The following FANCE variants were observed in gnomAD, a reference collection of about 807,000 sequenced individuals.
FANCE encodes the protein FA complementation group E.
FANCE carries 42 observed loss-of-function variants against 57.8 expected under a neutral mutation model. That is an observed-to-expected ratio of 0.73 (90% CI 0.57 to 0.94). The LOEUF (loss-of-function observed/expected upper bound fraction) is 0.94. Among genes scored for constraint, FANCE ranks in the 40% least tolerant of loss-of-function variants. The pLI is 0.00. For missense variants in FANCE, 608 were observed against 661.8 expected (o/e 0.92, Z 0.89); for synonymous variants, 251 against 286.4 (o/e 0.88, Z 1.25).
Position 35,459,377 on chromosome 6 carries a change from T to C in FANCE, c.1160T>C (p.Leu387Pro). 2 of 1,614,200 alleles carry C rather than the reference T, an allele frequency of 1.2e-6. No individual in the cohort carries two copies. The highest frequency in any genetic ancestry group is 2.2e-5 in the South Asian group (2 of 91,086). The change falls in exon 6 of 10, where the codon CTG (leucine) becomes CCG (proline). Residue 387 changes from leucine (L) to proline (P), a missense_variant. Transcript: ENST00000229769. ...SSASRLLTTA[L>P]TSFCAKYTYP... Reference sequence around the variant, plus strand: ...GCCTCCCGCCTGCTTACAACTGCCCTGACCTCCTTCTGTGCCAAATATACA... The same window carrying C: ...GCCTCCCGCCTGCTTACAACTGCCCCGACCTCCTTCTGTGCCAAATATACA...
chr6:35,461,624 T>G (rs1021103892), intron 8 of FANCE, among the ~76,000 whole-genome samples: 1 of 152,128 alleles, frequency 6.6e-6, no homozygotes, highest in Non-Finnish European at 1.5e-5. Context: ...CTCATTTGTT[T>G]ATATCTTAGA....
rs765538271 is a variant in FANCE at position 35,456,022 on chromosome 6, G to A, written c.524G>A (p.Gly175Asp). 1.0e-4 allele frequency: 167 copies of A among 1,612,702 alleles called. 1 individual carries two copies. The highest frequency in any genetic ancestry group is 1.4e-4 in the Non-Finnish European group (162 of 1,179,598). The change falls in exon 2 of 10, where the codon GGC (glycine) becomes GAC (aspartate). Residue 175 changes from glycine to aspartate, a missense_variant. Coordinates refer to ENST00000229769, the MANE Select transcript of FANCE (RefSeq NM_021922.3). The surrounding 1 kb of genome is among the most constrained non-coding windows in gnomAD (Gnocchi z 4.3). The part of the protein sequence containing the change: ...QSLCRGLGLG[G>D]RRLKSPQAPD... Reference sequence around the variant, plus strand: ...CTATGTAGGGGGCTGGGCCTGGGGGGCAGGAGGTTGAAATCCCCCCAGGCT... The same window carrying A: ...CTATGTAGGGGGCTGGGCCTGGGGGACAGGAGGTTGAAATCCCCCCAGGCT...
At chr6:35,458,543 A>C (rs934011285) in intron 5 of FANCE, 103 bp downstream of exon 5, 1 of 1,449,680 alleles carries the variant, frequency 6.9e-7, no homozygotes, top group Non-Finnish European at 9.6e-7. Flanking sequence ...AGCCTTGTAG[A>C]CATCTGGGCT....
rs753318121 is a variant in FANCE at position 35,457,567 on chromosome 6, C to T, written c.867C>T (p.Pro289=). Reference sequence around the variant, plus strand: ...GCTCTCCTCCACAGGACCAGCTTCCCAGGCTGCAGCAGCTGCTGAAGACCT... The same window carrying T: ...GCTCTCCTCCACAGGACCAGCTTCCTAGGCTGCAGCAGCTGCTGAAGACCT... ...ELPKAIQDQL[P]RLQQLLKTLE... is the part of the protein sequence containing the mutation. Residue 289 remains proline (P), a synonymous_variant, in exon 3 of 10, where the codon CCC becomes CCT. Transcript: ENST00000229769. 1 of 1,613,890 alleles carries T rather than the reference C, an allele frequency of 6.2e-7. No individual in the cohort carries two copies. The highest frequency in any genetic ancestry group is 8.5e-7 in the Non-Finnish European group (1 of 1,180,018).
Position 35,456,479 on chromosome 6 carries a change from A to G in FANCE, c.855+126A>G. 1 of 1,289,806 alleles carries G rather than the reference A, an allele frequency of 7.8e-7. No individual in the cohort carries two copies. The highest frequency in any genetic ancestry group is 1.1e-6 in the Non-Finnish European group (1 of 891,460). 79.9% of individuals were successfully genotyped at this position (1,289,806 alleles called of 1,614,324 possible). ...TGTAGTTCCTGGAGGAAGAAGGAGG[A>G]AGGTAGGGTTGAGGGAATGTAGCCT... On this transcript the variant is annotated intron_variant, in intron 2 of 9. Transcript: ENST00000229769. The surrounding 1 kb of genome is among the most constrained non-coding windows in gnomAD (Gnocchi z 4.3).
chr6:35,464,045 CAGTG>C (rs1044479544), intron 9 of FANCE, among the ~76,000 whole-genome samples: 11 of 151,936 alleles, frequency 7.2e-5, no homozygotes, highest in African/African-American at 2.7e-4. Context: ...ACAGTGTGAG[CAGTG>C]AGTGTCTGAG....
intron 8 of FANCE, among the ~76,000 whole-genome samples, chr6:35,460,922 ATTT>A (rs67491477): frequency 6.8e-6 from 1 of 146,580 alleles, no homozygotes. Context: ...ATGTTCACAA[ATTT>A]TTTTTTTTTT....
rs1447085696 is a variant in FANCE, at chr6:35,456,396, G to T, written c.855+43G>T. 6.2e-7 allele frequency: 1 copy of T among 1,613,872 alleles called. No individual in the cohort carries two copies. Among genetic ancestry groups the T allele is most frequent in the African/African-American group, 1.3e-5 (1 of 74,900 alleles). On this transcript the variant is annotated intron_variant, in intron 2 of 9. Coordinates refer to ENST00000229769, the MANE Select transcript of FANCE (RefSeq NM_021922.3). The surrounding 1 kb of genome is among the most constrained non-coding windows in gnomAD (Gnocchi z 4.3). ...CTGGGTTTAGAGTGATCTTTCAGCA[G>T]TGGTGGCTTTATCCATGGGGAAGGC...
rs1767347314 is a variant in FANCE, at chr6:35,456,433, CT to C, written c.855+85del. On this transcript the variant is annotated intron_variant, in intron 2 of 9. Transcript: ENST00000229769. The surrounding 1 kb of genome is among the most constrained non-coding windows in gnomAD (Gnocchi z 4.3). ...TCCATGGGGAAGGCTGCTTGGGACACTTTTTCCCAATGGAGTTGACTGTAGT... is the reference window on the plus strand; with the variant it reads ...TCCATGGGGAAGGCTGCTTGGGACACTTTTCCCAATGGAGTTGACTGTAGT... 6.3e-7 allele frequency: 1 copy of C among 1,582,850 alleles called. No individual in the cohort carries two copies.
In FANCE at chr6:35,459,706, G is replaced by A. The variant is rs936988373; in HGVS notation, c.1262G>A (p.Cys421Tyr). The A allele has an allele frequency of 6.2e-7, 1 of 1,614,188 alleles. No individual in the cohort carries two copies. The highest frequency in any genetic ancestry group is 1.7e-5 in the Admixed American group (1 of 60,026). The change falls in exon 7 of 10, where the codon TGT becomes TAT. Residue 421 changes from cysteine (C) to tyrosine (Y), a missense_variant. Transcript: ENST00000229769. Reference sequence around the variant, plus strand: ...GGTCCTGCTCAAACAGAGTTACTGTGTTGCCTTGTGAAGATGGAGTCCCTG... The same window carrying A: ...GGTCCTGCTCAAACAGAGTTACTGTATTGCCTTGTGAAGATGGAGTCCCTG... ...GTGPAQTELL[C>Y]CLVKMESLEP...
intron 9 of FANCE, among the ~76,000 whole-genome samples, chr6:35,464,483 C>T (rs1348408139): frequency 2.6e-5 from 4 of 151,302 alleles, no homozygotes; most frequent in East Asian, 4.0e-4. Flanking sequence ...GTGATCTGTC[C>T]GCCTTGGCCT....
Position 35,458,294 on chromosome 6 carries a change from C to T in FANCE, c.970-3C>T. On this transcript the variant is annotated splice_polypyrimidine_tract_variant and splice_region_variant and intron_variant, in intron 4 of 9. Transcript: ENST00000229769. ...CCTCTCTCCCCCCGCACTCTGTAAG[C>T]AGATGGACTTGCTGTGTGCCCAGCT... The T allele has an allele frequency of 6.2e-7, 1 of 1,613,726 alleles. No individual in the cohort carries two copies. The highest frequency in any genetic ancestry group is 1.3e-5 in the African/African-American group (1 of 75,034).
Position 35,452,374 on chromosome 6 carries a change from T to A in FANCE, c.-172T>A, listed in dbSNP as rs911453557. ...CGACAGCGCGGGAACGGCTGCGGCT[T>A]CGGGCGGCCGGGTTTCTCCGGTCTC... On this transcript the variant is annotated 5_prime_UTR_variant, in exon 1 of 10. Coordinates refer to ENST00000229769, the MANE Select transcript of FANCE (RefSeq NM_021922.3). 1 of 664,636 alleles carries A rather than the reference T, an allele frequency of 1.5e-6. No homozygotes were observed. The highest frequency in any genetic ancestry group is 1.9e-5 in the African/African-American group (1 of 52,808). 41.2% of individuals were successfully genotyped at this position (664,636 alleles called of 1,614,324 possible). A position where few individuals can be genotyped will look rare whatever the true frequency, so the allele number is the denominator to read the frequency against.
In FANCE at chr6:35,460,591, G is replaced by C. The variant is rs1488514330; in HGVS notation, c.1356G>C (p.Leu452Phe). 1.2e-6 allele frequency: 2 copies of C among 1,613,978 alleles called. No homozygotes were observed. The highest frequency in any genetic ancestry group is 2.2e-5 in the East Asian group (1 of 44,890). Residue 452 changes from leucine to phenylalanine, a missense_variant, in exon 8 of 10, where the codon TTG becomes TTC. Transcript: ENST00000229769. ...TGCCCTGGAAGGAGGAAACTTTCTTGGTGTTGCAGTCACTCCTAGAGCGGC... is the reference window on the plus strand; with the variant it reads ...TGCCCTGGAAGGAGGAAACTTTCTTCGTGTTGCAGTCACTCCTAGAGCGGC... ...LELPWKEETFLVLQSLLERQV... is the reference protein window; with the variant it reads ...LELPWKEETFFVLQSLLERQV...
Position 35,456,349 on chromosome 6 carries a change from T to C in FANCE, c.851T>C (p.Ile284Thr), listed in dbSNP as rs370661452. Residue 284 changes from isoleucine to threonine, a missense_variant, in exon 2 of 10, where the codon ATC (isoleucine) becomes ACC (threonine). Physicochemically the swap from Ile to Thr is moderately conservative, Grantham distance 89 (BLOSUM62 -1). Transcript: ENST00000229769. The surrounding 1 kb of genome is among the most constrained non-coding windows in gnomAD (Gnocchi z 4.3). ...GAGAGTTTGGAGTTGCCCAAAGCTATCCAGGTACTTTGGTAGGGAGACTGG... is the reference window on the plus strand; with the variant it reads ...GAGAGTTTGGAGTTGCCCAAAGCTACCCAGGTACTTTGGTAGGGAGACTGG... ...LAESLELPKA[I>T]QDQLPRLQQL... 8.1e-6 allele frequency: 13 copies of C among 1,614,064 alleles called. No homozygotes were observed. In the African/African-American group the frequency reaches 1.3e-4, roughly 17 times the overall value.
chr6:35,463,014 G>A, intron 9 of FANCE, 100 bp downstream of exon 9: 1 of 1,524,244 alleles, frequency 6.6e-7, no homozygotes. Context: ...AAAACCCTGA[G>A]TGCTGGCCAG....
chr6:35,457,554 A>G lies in FANCE; in HGVS notation c.856-2A>G. 1 of 1,613,872 alleles carries G rather than the reference A, an allele frequency of 6.2e-7. No homozygotes were observed. Among genetic ancestry groups the G allele is most frequent in the Non-Finnish European group, 8.5e-7 (1 of 1,180,028 alleles). On this transcript the variant is annotated splice_acceptor_variant, in intron 2 of 9. Transcript: ENST00000229769. LOFTEE classifies it high-confidence loss of function. ...TAGCAGTGACTGGGCTCTCCTCCAC[A>G]GGACCAGCTTCCCAGGCTGCAGCAG...
chr6:35,460,902 A>G (rs1211188583), intron 8 of FANCE, among the ~76,000 whole-genome samples: 2 of 151,582 alleles, frequency 1.3e-5, no homozygotes, highest in African/African-American at 4.9e-5. Flanking sequence ...TGAATAGGTA[A>G]TAGATTCATA....
chr6:35,459,458 A>G lies in FANCE; in HGVS notation c.1237+4A>G, dbSNP rs1312704373. The G allele has an allele frequency of 6.2e-7, 1 of 1,613,850 alleles. No individual in the cohort carries two copies. The highest frequency in any genetic ancestry group is 8.5e-7 in the Non-Finnish European group (1 of 1,179,982). Reference sequence around the variant, plus strand: ...GTGCTCCAGGCCCCAGGCACAGGTAATTCTGGAACCAGCCCCAGGCCCAGT... The same window carrying G: ...GTGCTCCAGGCCCCAGGCACAGGTAGTTCTGGAACCAGCCCCAGGCCCAGT... On this transcript the variant is annotated splice_donor_region_variant and intron_variant, in intron 6 of 9. Transcript: ENST00000229769.
Sources: gnomAD v4.1 joint callset for allele counts (sites outside exome capture counted in the v4.1 genomes callset) on GRCh38, gnomAD v4.1.1 for gene constraint, Gnocchi (gnomAD v3.1) non-coding constraint, MANE v1.5 for transcripts, NCBI Gene and HGNC (gene_info 2026-07-23, HGNC 2026-07-21) for gene names.